Variants in NSMCE1 observed in about 807,000 individuals in gnomAD.
The protein encoded by NSMCE1 is non-structural maintenance of chromosomes element 1 homolog.
NSMCE1 carries 18 observed loss-of-function variants against 29.6 expected under a neutral mutation model. The ratio of observed to expected loss-of-function variants is 0.61; its 90% CI spans 0.42 to 0.90. The LOEUF (loss-of-function observed/expected upper bound fraction) is 0.90, where lower values mean the gene tolerates loss of function less well. Ranked by LOEUF, NSMCE1 falls within the 40% of genes least tolerant of loss-of-function variation. The pLI, the probability that NSMCE1 is intolerant of heterozygous loss-of-function variation, is 0.00. For synonymous variants in NSMCE1, 124 were observed against 133.4 expected (o/e 0.93, Z 0.49); for missense variants, 314 against 343.6 (o/e 0.91, Z 0.68).
intron 2 of NSMCE1, among the ~76,000 whole-genome samples, chr16:27,237,869 G>A (rs1056646523): frequency 6.6e-6 from 1 of 152,070 alleles, no homozygotes; most frequent in Non-Finnish European, 1.5e-5. Context: ...ATTTTCATCT[G>A]ACCAACCACT....
At chr16:27,243,049 T>C (rs903950088) in intron 2 of NSMCE1, among the ~76,000 whole-genome samples, 1 of 152,214 alleles carries the variant, frequency 6.6e-6, no homozygotes, top group East Asian at 1.9e-4. Context: ...TGCAGACAGC[T>C]GTGGGCACAG....
intron 2 of NSMCE1, among the ~76,000 whole-genome samples, chr16:27,237,915 C>T (rs1274883255): frequency 6.6e-6 from 1 of 152,178 alleles, no homozygotes; most frequent in African/African-American, 2.4e-5. Context: ...ACACACCAGC[C>T]ACTGCTTGGG....
intron 1 of NSMCE1, among the ~76,000 whole-genome samples, chr16:27,258,914 C>T (rs2084121259): frequency 6.6e-6 from 1 of 151,988 alleles, no homozygotes. Flanking sequence ...CCGTGCCTGA[C>T]TAATTTTCGT....
chr16:27,236,007 T>A (rs1404365707), intron 2 of NSMCE1, among the ~76,000 whole-genome samples: 2 of 152,004 alleles, frequency 1.3e-5, no homozygotes, highest in South Asian at 4.2e-4. Flanking sequence ...TCGCCCAGAG[T>A]TGCACCACAA....
chr16:27,229,826 G>T (rs1389165659), intron 5 of NSMCE1, among the ~76,000 whole-genome samples: 1 of 152,096 alleles, frequency 6.6e-6, no homozygotes, highest in African/African-American at 2.4e-5. Context: ...TGATCTACCC[G>T]CCTTGGCCTC....
intron 1 of NSMCE1, among the ~76,000 whole-genome samples, chr16:27,262,833 C>T (rs1291452291): frequency 6.6e-6 from 1 of 151,834 alleles, no homozygotes; most frequent in Non-Finnish European, 1.5e-5. Context: ...AAAATATTTG[C>T]AAACTATTTA....
intron 1 of NSMCE1, among the ~76,000 whole-genome samples, chr16:27,259,598 T>A (rs1181847692): frequency 6.6e-6 from 1 of 151,664 alleles, no homozygotes; most frequent in Non-Finnish European, 1.5e-5. Flanking sequence ...AGGCAAAGAG[T>A]CCAGAAAGCA....
In NSMCE1 at chr16:27,225,303, G is replaced by C. The variant is rs1474265888; in HGVS notation, c.722-67C>G. 6.4e-6 allele frequency: 6 copies of C among 931,404 alleles called. No individual in the cohort carries two copies. In the Admixed American group the frequency reaches 1.2e-4, roughly 18 times the overall value. 57.7% of individuals were successfully genotyped at this position (931,404 alleles called of 1,614,324 possible). A position where few individuals can be genotyped will look rare whatever the true frequency, so the allele number is the denominator to read the frequency against. ...GCTGGCAGCACAGGGGCACCAGCTG[G>C]AGCCAGCAGCTACGTCTCCTGTGCC... On this transcript the variant is annotated intron_variant, in intron 7 of 7. Transcript: ENST00000361439.
chr16:27,257,735 G>A (rs562814830), intron 1 of NSMCE1, among the ~76,000 whole-genome samples, 154 bp from the exon 2 acceptor site: 35 of 152,272 alleles, frequency 2.3e-4, no homozygotes, highest in Non-Finnish European at 4.1e-4. Context: ...AGAAGAACAC[G>A]AGTCACAGCA....
At chr16:27,253,854 G>A (rs887536701) in intron 2 of NSMCE1, among the ~76,000 whole-genome samples, 12 of 152,184 alleles carry the variant, frequency 7.9e-5, no homozygotes, top group South Asian at 2.1e-4. Context: ...GCGCCATTCC[G>A]AAAGGCTCGA....
chr16:27,230,459 G>A (rs116056629), intron 5 of NSMCE1: 1,869 of 152,394 alleles, frequency 0.012, 36 homozygotes, highest in African/African-American at 0.042. Flanking sequence ...CCAGAGTGCC[G>A]CAGACCTCAA....
At chr16:27,253,679 T>C (rs1383048639) in intron 2 of NSMCE1, among the ~76,000 whole-genome samples, 1 of 152,166 alleles carries the variant, frequency 6.6e-6, no homozygotes, top group Non-Finnish European at 1.5e-5. Flanking sequence ...GTATGACTCA[T>C]GAGAGCCATG....
chr16:27,241,881 A>G (rs1325712636), intron 2 of NSMCE1: 1 of 454,714 alleles, frequency 2.2e-6, no homozygotes, highest in Admixed American at 2.4e-5. Context: ...AGAGAGATGA[A>G]GGACATACCT....
chr16:27,226,879 C>T lies in NSMCE1; in HGVS notation c.484-43G>A, dbSNP rs781704363. 9.8e-6 allele frequency: 12 copies of T among 1,222,146 alleles called. No homozygotes were observed. The South Asian group carries it at 1.5e-4, about 15-fold the overall frequency. The allele number at this position is 1,222,146 out of a possible 1,614,324, so 75.7% of individuals were successfully genotyped here. ...AGGTGGCCACCCTCAGCCAGGCCCT[C>T]TCCCCATTCACCACCTCTCTTCCCT... On this transcript the variant is annotated intron_variant, in intron 5 of 7. Coordinates refer to ENST00000361439, the MANE Select transcript of NSMCE1 (RefSeq NM_145080.4).
intron 6 of NSMCE1, 189 bp downstream of exon 6, chr16:27,226,531 G>A (rs1043045492): frequency 1.6e-5 from 9 of 546,454 alleles, no homozygotes; most frequent in East Asian, 6.0e-5. Flanking sequence ...GCGGCAGTGC[G>A]TCCCTGCGGG....
At chr16:27,252,717 G>A (rs534984315) in intron 2 of NSMCE1, among the ~76,000 whole-genome samples, 3 of 152,208 alleles carry the variant, frequency 2.0e-5, no homozygotes, top group East Asian at 1.9e-4. Context: ...TCAGAAGTTC[G>A]AGACCAGCCT....
chr16:27,246,209 G>C (rs114358963), intron 2 of NSMCE1, among the ~76,000 whole-genome samples: 1 of 152,126 alleles, frequency 6.6e-6, no homozygotes, highest in African/African-American at 2.4e-5. Flanking sequence ...TCAGCGACCT[G>C]GTTTTTGCCC....
rs777881623 is a variant in NSMCE1, at chr16:27,257,445, C to G, written c.126G>C (p.Lys42Asn). The G allele has an allele frequency of 1.2e-5, 19 of 1,612,082 alleles. No individual in the cohort carries two copies. The Admixed American group carries it at 2.2e-4, about 18-fold the overall frequency. ...GGAAACGGTACTCACGGTCATGGAC[C>G]TTGTAGCAGTGCGTCTGCAAGCGCT... ...DVKRLQTHCYKVHDRNATVDK... is the reference protein window; with the variant it reads ...DVKRLQTHCYNVHDRNATVDK... The change falls in exon 2 of 8, where the codon AAG becomes AAC. Residue 42 changes from lysine (K) to asparagine (N), a missense_variant. Lys to Asn is a moderately conservative substitution (Grantham distance 94). Coordinates refer to ENST00000361439, the MANE Select transcript of NSMCE1 (RefSeq NM_145080.4).
intron 2 of NSMCE1, among the ~76,000 whole-genome samples, chr16:27,250,298 CA>C: frequency 6.6e-6 from 1 of 152,148 alleles, no homozygotes; most frequent in East Asian, 1.9e-4. Context: ...GTGGTGAGAA[CA>C]GACATTCTTG....
Sources: allele counts gnomAD v4.1 joint callset (sites outside exome capture counted in the v4.1 genomes callset), GRCh38; gene constraint gnomAD v4.1.1; transcripts MANE v1.5; gene names NCBI Gene and HGNC (gene_info 2026-07-23, HGNC 2026-07-21).